Variants in RAMP1 observed in about 807,000 individuals in gnomAD.
RAMP1 encodes the protein receptor activity modifying protein 1, also known as receptor activity-modifying protein 1.
Under a neutral mutation model 8.2 loss-of-function variants are expected in RAMP1, and 7 were observed. That is an observed-to-expected ratio of 0.85 (90% CI 0.49 to 1.60). The LOEUF is 1.60. RAMP1 is among the 40% of genes most tolerant of loss of function. RAMP1 has a pLI of 0.00. For synonymous variants in RAMP1, 92 were observed against 84.7 expected (o/e 1.09, Z -0.47); for missense variants, 192 against 202.4 (o/e 0.95, Z 0.31).
chr2:237,883,403 CGTGCCAGCTCCTA>C (rs1389817005), intron 2 of RAMP1, among the ~76,000 whole-genome samples: 2 of 152,192 alleles, frequency 1.3e-5, no homozygotes, highest in African/African-American at 4.8e-5. Flanking sequence ...GAGACATGCT[CGTGCCAGCTCCTA>C]GTGCCGGCCC....
chr2:237,891,439 C>T (rs984672945), intron 2 of RAMP1, among the ~76,000 whole-genome samples: 8 of 152,196 alleles, frequency 5.3e-5, no homozygotes, highest in African/African-American at 9.7e-5. Context: ...CGTGAGCCAC[C>T]GCGCCCAGCC....
At chr2:237,910,439 ACT>A (rs1400044450) in intron 2 of RAMP1, among the ~76,000 whole-genome samples, 3 of 151,862 alleles carry the variant, frequency 2.0e-5, no homozygotes, top group Admixed American at 6.6e-5. Flanking sequence ...AATGTCACAC[ACT>A]CAGAGAATAA....
At chr2:237,908,084 C>T (rs1424875198) in intron 2 of RAMP1, among the ~76,000 whole-genome samples, 2 of 152,224 alleles carry the variant, frequency 1.3e-5, no homozygotes, top group African/African-American at 4.8e-5. Context: ...CTGTCATTGC[C>T]TTGTGCCCAG....
At chr2:237,868,590 CAAAA>C (rs371059895) in intron 1 of RAMP1, among the ~76,000 whole-genome samples, 3 of 135,654 alleles carry the variant, frequency 2.2e-5, no homozygotes, top group East Asian at 4.4e-4. Flanking sequence ...AAAAAAAAAA[CAAAA>C]AAAAAAAAAC....
In RAMP1 at chr2:237,878,523, GC is replaced by G. The variant is rs2062333253; in HGVS notation, c.191+1162del. 6.6e-6 allele frequency among the ~76,000 whole-genome samples: 1 copy of G among 152,212 alleles called. No individual in the cohort carries two copies. Among genetic ancestry groups the G allele is most frequent in the Admixed American group, 6.5e-5 (1 of 15,288 alleles). On this transcript the variant is annotated intron_variant, in intron 2 of 2. Transcript: ENST00000254661. The surrounding 1 kb of genome is among the most constrained non-coding windows in gnomAD (Gnocchi z 5.7). ...GGCTGGGAGGCCCTGAGGCTGGGTGGCTCCCACTGCCCCTCTGAGCCTGGGT... is the reference window on the plus strand; with the variant it reads ...GGCTGGGAGGCCCTGAGGCTGGGTGGTCCCACTGCCCCTCTGAGCCTGGGT...
chr2:237,872,904 C>T (rs756615997), intron 1 of RAMP1, among the ~76,000 whole-genome samples: 1 of 152,194 alleles, frequency 6.6e-6, no homozygotes, highest in Non-Finnish European at 1.5e-5. Flanking sequence ...CCTCTGGTCC[C>T]AGCTACTTGG....
intron 2 of RAMP1, among the ~76,000 whole-genome samples, chr2:237,881,851 G>A (rs947888589): frequency 6.8e-6 from 1 of 146,900 alleles, no homozygotes; most frequent in Non-Finnish European, 1.5e-5. Flanking sequence ...TTTCAACTTT[G>A]TTTTTTTTTT....
intron 2 of RAMP1, among the ~76,000 whole-genome samples, chr2:237,897,729 G>T (rs553617648): frequency 1.4e-5 from 2 of 147,292 alleles, no homozygotes; most frequent in East Asian, 4.2e-4. Flanking sequence ...AGAAACACAT[G>T]CTCTCGTGGA....
chr2:237,865,502 C>T lies in RAMP1; in HGVS notation c.52+5775C>T, dbSNP rs930124687. Among the ~76,000 whole-genome samples, 2 of 152,114 alleles carry T rather than the reference C, an allele frequency of 1.3e-5. No homozygotes were observed. The highest frequency in any genetic ancestry group is 2.4e-5 in the African/African-American group (1 of 41,408). ...TATCGGGAACATGCCTCAAAAACCA[C>T]CGTTTCTCTGAGATGCAGATTTCGC... is the stretch of plus-strand genomic sequence containing the variant. On this transcript the variant is annotated intron_variant, in intron 1 of 2. Transcript: ENST00000254661. This position sits in a 1 kb window ranked among gnomAD's most constrained non-coding sequence, Gnocchi z 4.2.
At chr2:237,884,509 C>T (rs1427369974) in intron 2 of RAMP1, among the ~76,000 whole-genome samples, 3 of 152,146 alleles carry the variant, frequency 2.0e-5, no homozygotes. Context: ...AAAAGCCTCA[C>T]GTCAGATTTC....
chr2:237,900,179 G>C (rs2062583569), intron 2 of RAMP1, among the ~76,000 whole-genome samples: 1 of 151,556 alleles, frequency 6.6e-6, no homozygotes, highest in Non-Finnish European at 1.5e-5. Flanking sequence ...TGTTTGTTTA[G>C]GACAGTGTCT....
chr2:237,907,574 C>T (rs2062666506), intron 2 of RAMP1, among the ~76,000 whole-genome samples: 1 of 151,810 alleles, frequency 6.6e-6, no homozygotes, highest in South Asian at 2.1e-4. Context: ...TCTCTCTTTC[C>T]TCAGTTTTCG....
At chr2:237,902,109 C>T (rs2062604364) in intron 2 of RAMP1, among the ~76,000 whole-genome samples, 1 of 152,034 alleles carries the variant, frequency 6.6e-6, no homozygotes, top group Admixed American at 6.6e-5. Context: ...CTCTCAGGTG[C>T]AGCCCAAGGC....
intron 1 of RAMP1, among the ~76,000 whole-genome samples, chr2:237,872,795 G>A (rs1282611980): frequency 2.1e-5 from 3 of 143,966 alleles, no homozygotes; most frequent in Non-Finnish European, 4.8e-5. Context: ...GGGACGCTGA[G>A]GTGGGACGAT....
At chr2:237,905,012 T>C (rs2151022735) in intron 2 of RAMP1, among the ~76,000 whole-genome samples, 1 of 152,224 alleles carries the variant, frequency 6.6e-6, no homozygotes, top group East Asian at 1.9e-4. Flanking sequence ...CAAGTAACCA[T>C]GAACAGTGGT....
At position 237,865,266 on chromosome 2, in the gene RAMP1, AGGAGAGGAGGGGAGG is replaced by A. The variant is rs1197380045; in HGVS notation, c.52+5546_52+5560del. On this transcript the variant is annotated intron_variant, in intron 1 of 2. Transcript: ENST00000254661. This position sits in a 1 kb window ranked among gnomAD's most constrained non-coding sequence, Gnocchi z 4.2. ...GGGAGGGCAGGGCAGGGGAGAAGAG[AGGAGAGGAGGGGAGG>A]GGAGAGCAGGGGAGAGGAGAGGAGG... is the stretch of plus-strand genomic sequence containing the variant. Among the ~76,000 whole-genome samples, 10 of 124,846 alleles carry A rather than the reference AGGAGAGGAGGGGAGG, an allele frequency of 8.0e-5. No homozygotes were observed. The highest frequency in any genetic ancestry group is 8.6e-5 in the Admixed American group (1 of 11,682). 81.9% of individuals were successfully genotyped at this position (124,846 alleles called of 152,430 possible). A position where few individuals can be genotyped will look rare whatever the true frequency, so the allele number is the denominator to read the frequency against.
chr2:237,886,694 G>A (rs1168803684), intron 2 of RAMP1, among the ~76,000 whole-genome samples: 2 of 152,234 alleles, frequency 1.3e-5, no homozygotes, highest in Non-Finnish European at 2.9e-5. Flanking sequence ...CCCAGACCCT[G>A]TGGTGACTTA....
rs56183316 is a variant in RAMP1, at chr2:237,903,527, C to CT, written c.192-7992dup. 6.2e-3 allele frequency among the ~76,000 whole-genome samples: 931 copies of CT among 151,322 alleles called. 7 individuals carry two copies. Among genetic ancestry groups the CT allele is most frequent in the African/African-American group, 0.012 (510 of 41,262 alleles). On this transcript the variant is annotated intron_variant, in intron 2 of 2. Coordinates refer to ENST00000254661, the MANE Select transcript of RAMP1 (RefSeq NM_005855.4). Reference sequence around the variant, plus strand: ...CTTCACTAGCATTCAGCATTATTTTCTTTTTTTTTGAGACAGGGTCTTATT... The same window carrying CT: ...CTTCACTAGCATTCAGCATTATTTTCTTTTTTTTTTGAGACAGGGTCTTATT...
intron 2 of RAMP1, among the ~76,000 whole-genome samples, chr2:237,891,372 G>A (rs1162047542): frequency 1.3e-5 from 2 of 151,986 alleles, no homozygotes; most frequent in African/African-American, 2.4e-5. Flanking sequence ...GGATGGTCTC[G>A]ATCTCCTGAC....
Sources: gnomAD v4.1 joint callset for allele counts (sites outside exome capture counted in the v4.1 genomes callset) on GRCh38, gnomAD v4.1.1 for gene constraint, Gnocchi (gnomAD v3.1) non-coding constraint, MANE v1.5 for transcripts, NCBI Gene and HGNC (gene_info 2026-07-23, HGNC 2026-07-21) for gene names.